The following ABR variants were observed in gnomAD, a reference collection of about 807,000 sequenced individuals.
ABR encodes active breakpoint cluster region-related protein.
In ABR, 35 loss-of-function variants were observed where a neutral mutation model predicts 107.2. The observed-to-expected ratio is 0.33, with a 90% confidence interval of 0.25 to 0.43. The LOEUF (loss-of-function observed/expected upper bound fraction) is 0.43. ABR is among the 20% of genes least tolerant of loss of function. The probability of loss-of-function intolerance (pLI) is 1.00; values close to 1 mark genes in which losing one functional copy is unlikely to be tolerated. For synonymous variants in ABR, 498 were observed against 462.0 expected (o/e 1.08, Z -1.00); for missense variants, 815 against 1,115.2 (o/e 0.73, Z 3.83).
chr17:1,005,049 C>T lies in ABR; in HGVS notation c.*1031G>A. 2.5e-6 allele frequency: 1 copy of T among 399,024 alleles called. No individual in the cohort carries two copies. The highest frequency in any genetic ancestry group is 3.6e-5 in the East Asian group (1 of 28,078). The allele number at this position is 399,024 out of a possible 1,614,324, so 24.7% of individuals were successfully genotyped here. A position where few individuals can be genotyped will look rare whatever the true frequency, so the allele number is the denominator to read the frequency against. On this transcript the variant is annotated 3_prime_UTR_variant, in exon 23 of 23. Transcript: ENST00000302538. Reference sequence around the variant, plus strand: ...TCTTGAAAAGCCCCCACAACTTGCTCCTAAGAGCTGAGCTGCCTCCCCGCG... The same window carrying T: ...TCTTGAAAAGCCCCCACAACTTGCTTCTAAGAGCTGAGCTGCCTCCCCGCG...
At chr17:1,178,576 A>G (rs372872924) in intron 1 of ABR, among the ~76,000 whole-genome samples, 19 of 150,154 alleles carry the variant, frequency 1.3e-4, no homozygotes, top group South Asian at 4.2e-4. Flanking sequence ...AAAAAAAAAA[A>G]AAAGAAAGAA....
chr17:1,070,103 G>A lies in ABR; in HGVS notation c.895-13C>T, dbSNP rs773931906. ...CCAGCTGTCGCGTCTGAGGGAGATG[G>A]CAGACCCCCCAGCCTGCTCAGAGGG... On this transcript the variant is annotated splice_polypyrimidine_tract_variant and intron_variant, in intron 8 of 22. Transcript: ENST00000302538. This position sits in a 1 kb window ranked among gnomAD's most constrained non-coding sequence, Gnocchi z 4.2. 1.2e-6 allele frequency: 2 copies of A among 1,613,200 alleles called. No homozygotes were observed. The highest frequency in any genetic ancestry group is 1.7e-6 in the Non-Finnish European group (2 of 1,179,722).
At chr17:1,180,353 C>T (rs997143374), upstream of ABR, among the ~76,000 whole-genome samples, 3 of 152,154 alleles carry the variant, frequency 2.0e-5, no homozygotes, top group Non-Finnish European at 4.4e-5. Context: ...GAGCGGCGGC[C>T]GGGCCCCTCC....
intron 1 of ABR, among the ~76,000 whole-genome samples, chr17:1,219,525 T>C (rs1047071414): frequency 1.3e-5 from 2 of 148,162 alleles, no homozygotes; most frequent in Admixed American, 6.9e-5. Flanking sequence ...CCTTATTTTT[T>C]CTTGCCATGG....
intron 4 of ABR, among the ~76,000 whole-genome samples, chr17:1,089,524 A>C (rs1036180673): frequency 4.6e-5 from 7 of 152,210 alleles, no homozygotes; most frequent in Non-Finnish European, 1.5e-5. Context: ...CTGGAGAAAC[A>C]GGACTCTCAG....
intron 9 of ABR, 64 bp from the exon 10 acceptor site, chr17:1,067,306 G>A: frequency 6.8e-7 from 1 of 1,463,952 alleles, no homozygotes; most frequent in Non-Finnish European, 9.0e-7. Flanking sequence ...CTCAACTCTT[G>A]GGTCCAGAAC....
intron 1 of ABR, among the ~76,000 whole-genome samples, chr17:1,139,400 T>C (rs917059090): frequency 4.5e-4 from 69 of 152,192 alleles, no homozygotes; most frequent in African/African-American, 1.4e-3. Flanking sequence ...TACAGGTGCC[T>C]GCCATCATGC....
At chr17:1,079,019 G>C in intron 6 of ABR, 1 of 1,454,870 alleles carries the variant, frequency 6.9e-7, no homozygotes, top group Non-Finnish European at 9.1e-7. Context: ...GGGAGGGGAG[G>C]GAGGCGCGTG....
Position 1,050,657 on chromosome 17 carries a change from G to A in ABR, c.1562-23C>T, listed in dbSNP as rs200566833. The A allele has an allele frequency of 5.0e-6, 8 of 1,600,858 alleles. No homozygotes were observed. The East Asian group carries it at 1.6e-4, about 31-fold the overall frequency. ...GGTCTGTGGGGGAAGGACAGACGGAGATACTGAGTGAGTGGGGCCAGGGTG... is the reference window on the plus strand; with the variant it reads ...GGTCTGTGGGGGAAGGACAGACGGAAATACTGAGTGAGTGGGGCCAGGGTG... On this transcript the variant is annotated intron_variant, in intron 14 of 22. Coordinates refer to ENST00000302538, the MANE Select transcript of ABR (RefSeq NM_021962.5). The surrounding 1 kb of genome is among the most constrained non-coding windows in gnomAD (Gnocchi z 4.6).
In ABR at chr17:1,157,433, T is replaced by C. The variant is rs987933093; in HGVS notation, c.61+22234A>G. Reference sequence around the variant, plus strand: ...GCCCGGCTAATTTTTATATTTTTAATAGAGACAGGGTCTCACCATGTTGGC... The same window carrying C: ...GCCCGGCTAATTTTTATATTTTTAACAGAGACAGGGTCTCACCATGTTGGC... On this transcript the variant is annotated intron_variant, in intron 1 of 22. Transcript: ENST00000302538. The surrounding 1 kb of genome is among the most constrained non-coding windows in gnomAD (Gnocchi z 4.7). Among the ~76,000 whole-genome samples, 10 of 152,232 alleles carry C rather than the reference T, an allele frequency of 6.6e-5. No individual in the cohort carries two copies. Among genetic ancestry groups the C allele is most frequent in the African/African-American group, 2.2e-4 (9 of 41,550 alleles).
intron 16 of ABR, among the ~76,000 whole-genome samples, chr17:1,043,884 C>G (rs948468100): frequency 1.3e-5 from 2 of 152,064 alleles, no homozygotes; most frequent in Non-Finnish European, 2.9e-5. Flanking sequence ...CTGCGGTGAG[C>G]GAGGGAATGA....
chr17:1,024,049 A>AAAAAAAAAAAAAAAAAAAAG (rs2071963289), intron 16 of ABR, among the ~76,000 whole-genome samples: 5 of 140,534 alleles, frequency 3.6e-5, no homozygotes, highest in African/African-American at 1.4e-4. Flanking sequence ...AAAAAAAAAA[A>AAAAAAAAAAAAAAAAAAAAG]GCAGCATCAA....
In ABR at chr17:1,060,651, G is replaced by A. The variant is rs116342930; in HGVS notation, c.1183-1784C>T. Among the ~76,000 whole-genome samples the A allele has an allele frequency of 4.5e-3, 685 of 152,090 alleles. 4 individuals are homozygous for A. The highest frequency in any genetic ancestry group is 0.016 in the African/African-American group (647 of 41,466). On this transcript the variant is annotated intron_variant, in intron 10 of 22. Coordinates refer to ENST00000302538, the MANE Select transcript of ABR (RefSeq NM_021962.5). ...GAGCATTTCTCATTAAAACCAGCCA[G>A]TATTATATTGGGGATTAGAAAAAAC...
chr17:1,137,504 A>G (rs2040122569), intron 1 of ABR, among the ~76,000 whole-genome samples: 1 of 152,220 alleles, frequency 6.6e-6, no homozygotes. Flanking sequence ...TGGGCGGAAC[A>G]GCCAGAACAC....
intron 1 of ABR, among the ~76,000 whole-genome samples, chr17:1,203,218 T>G (rs963188889): frequency 4.0e-5 from 6 of 151,844 alleles, no homozygotes; most frequent in African/African-American, 1.2e-4. Flanking sequence ...CACTTGCCGG[T>G]GTGAGCAGAG....
chr17:1,073,994 G>A lies in ABR; in HGVS notation c.701-317C>T, dbSNP rs1271638252. On this transcript the variant is annotated intron_variant, in intron 6 of 22. Transcript: ENST00000302538. ...TCCTGGCCTCACCTGGCTCAAGGCAGATGCTCTCCTGGACCCCCAGCCCTG... is the reference window on the plus strand; with the variant it reads ...TCCTGGCCTCACCTGGCTCAAGGCAAATGCTCTCCTGGACCCCCAGCCCTG... Among the ~76,000 whole-genome samples, 10 of 144,776 alleles carry A rather than the reference G, an allele frequency of 6.9e-5. No homozygotes were observed. The East Asian group carries it at 1.8e-3, about 27-fold the overall frequency. The allele number at this position is 144,776 out of a possible 152,430, so 95.0% of individuals were successfully genotyped here. A position where few individuals can be genotyped will look rare whatever the true frequency, so the allele number is the denominator to read the frequency against.
intron 1 of ABR, among the ~76,000 whole-genome samples, chr17:1,221,059 G>A (rs1054575322): frequency 3.3e-5 from 5 of 152,306 alleles, no homozygotes; most frequent in East Asian, 1.9e-4. Context: ...CAATTGTGCC[G>A]TGTGGGGCCC....
chr17:1,151,973 G>A (rs929649139), intron 1 of ABR, among the ~76,000 whole-genome samples: 7 of 149,582 alleles, frequency 4.7e-5, no homozygotes, highest in African/African-American at 1.8e-4. Flanking sequence ...GCTAACACGG[G>A]GAAACCCCGC....
At chr17:1,207,374 G>T (rs901420183) in intron 1 of ABR, among the ~76,000 whole-genome samples, 2 of 152,112 alleles carry the variant, frequency 1.3e-5, no homozygotes, top group Non-Finnish European at 2.9e-5. Flanking sequence ...ATTTGGCCGT[G>T]TGCAGTGGCT....
Sources: allele counts gnomAD v4.1 joint callset (sites outside exome capture counted in the v4.1 genomes callset), GRCh38; gene constraint gnomAD v4.1.1; non-coding constraint Gnocchi (gnomAD v3.1); transcripts MANE v1.5; gene names NCBI Gene and HGNC (gene_info 2026-07-23, HGNC 2026-07-21).